Variants in SLC1A2 observed in about 807,000 individuals in gnomAD.
SLC1A2 encodes solute carrier family 1 member 2, also known as excitatory amino acid transporter 2.
In SLC1A2, 15 loss-of-function variants were observed where a neutral mutation model predicts 48.8. The ratio of observed to expected loss-of-function variants is 0.31; its 90% CI spans 0.21 to 0.47. The LOEUF (loss-of-function observed/expected upper bound fraction) is 0.47, where lower values mean the gene tolerates loss of function less well. Among genes scored for constraint, SLC1A2 ranks in the 20% least tolerant of loss-of-function variants. The pLI is 0.99. For synonymous variants in SLC1A2, 279 were observed against 272.6 expected (o/e 1.02, Z -0.23); for missense variants, 502 against 730.5 (o/e 0.69, Z 3.61).
At chr11:35,282,742 C>T (rs943137202) in intron 8 of SLC1A2, among the ~76,000 whole-genome samples, 11 of 152,204 alleles carry the variant, frequency 7.2e-5, no homozygotes, top group African/African-American at 2.7e-4. Flanking sequence ...TTGCACATCC[C>T]TTTGCACTGT....
At chr11:35,356,807 A>G (rs2421955) in intron 1 of SLC1A2, among the ~76,000 whole-genome samples, 117,720 of 152,216 alleles carry the variant, frequency 0.77, 46,233 homozygotes, top group East Asian at 0.92. Context: ...GTCTTTATGT[A>G]AATTTTATTA....
chr11:35,418,663 T>C, intron 1 of SLC1A2: 1 of 472,138 alleles, frequency 2.1e-6, no homozygotes, highest in Non-Finnish European at 3.8e-6. Flanking sequence ...ATCCCAAAAG[T>C]AACCTCAAGA....
chr11:35,386,833 A>T (rs1854598501), intron 1 of SLC1A2, among the ~76,000 whole-genome samples: 2 of 152,216 alleles, frequency 1.3e-5, no homozygotes, highest in Admixed American at 1.3e-4. Flanking sequence ...AAGCTTAAAT[A>T]CATTCCTTAA....
chr11:35,253,325 G>T lies in SLC1A2; in HGVS notation c.*7569C>A, dbSNP rs1950268878. On this transcript the variant is annotated 3_prime_UTR_variant, in exon 11 of 11. Coordinates refer to ENST00000278379, the MANE Select transcript of SLC1A2 (RefSeq NM_004171.4). Reference sequence around the variant, plus strand: ...ACAATGTGACATTTACCACTAATTTGCTTGGCAAGAATTAACTGCAACAAA... The same window carrying T: ...ACAATGTGACATTTACCACTAATTTTCTTGGCAAGAATTAACTGCAACAAA... The T allele has an allele frequency of 6.6e-6, 1 of 152,380 alleles. No individual in the cohort carries two copies. The highest frequency in any genetic ancestry group is 6.6e-5 in the Admixed American group (1 of 15,250). 9.4% of individuals were successfully genotyped at this position (152,380 alleles called of 1,614,324 possible). A position where few individuals can be genotyped will look rare whatever the true frequency, so the allele number is the denominator to read the frequency against.
intron 9 of SLC1A2, among the ~76,000 whole-genome samples, chr11:35,280,047 CTG>C (rs1202492072): frequency 6.6e-6 from 1 of 152,202 alleles, no homozygotes; most frequent in African/African-American, 2.4e-5. Context: ...ATGTAGACAC[CTG>C]TGCATACCTG....
chr11:35,410,549 T>C (rs1855426821), intron 1 of SLC1A2, among the ~76,000 whole-genome samples: 1 of 152,204 alleles, frequency 6.6e-6, no homozygotes, highest in African/African-American at 2.4e-5. Flanking sequence ...TGCTGTGACA[T>C]GCTACCCAGA....
intron 1 of SLC1A2, among the ~76,000 whole-genome samples, chr11:35,412,042 C>A (rs78314327): frequency 8.8e-4 from 118 of 134,138 alleles, no homozygotes; most frequent in Middle Eastern, 3.8e-3. Flanking sequence ...CTTACTGGAG[C>A]AAAAAAAAAA....
chr11:35,322,890 A>G (rs1852119830), intron 1 of SLC1A2: 6 of 623,720 alleles, frequency 9.6e-6, no homozygotes, highest in African/African-American at 1.8e-5. Context: ...CTGAAACTCT[A>G]AGACTTTCTG....
chr11:35,311,308 C>T (rs113679719), intron 4 of SLC1A2, among the ~76,000 whole-genome samples: 14,959 of 151,994 alleles, frequency 0.098, 919 homozygotes, highest in East Asian at 0.2. Flanking sequence ...TACAGGCATG[C>T]GCCACCACAC....
chr11:35,282,830 G>T (rs1046394920), intron 8 of SLC1A2, among the ~76,000 whole-genome samples: 1 of 152,158 alleles, frequency 6.6e-6, no homozygotes, highest in Non-Finnish European at 1.5e-5. Context: ...CCTGGAAGTT[G>T]CTTTCCCCTC....
At chr11:35,341,684 T>C (rs1412880249) in intron 1 of SLC1A2, among the ~76,000 whole-genome samples, 1 of 152,148 alleles carries the variant, frequency 6.6e-6, no homozygotes, top group East Asian at 1.9e-4. Flanking sequence ...TCCAAACCGG[T>C]ATTGGGTGTT....
chr11:35,406,324 G>A (rs1855291892), intron 1 of SLC1A2, among the ~76,000 whole-genome samples: 2 of 152,092 alleles, frequency 1.3e-5, no homozygotes, highest in Non-Finnish European at 2.9e-5. Flanking sequence ...TTACTTTGTA[G>A]ATACAAACAG....
chr11:35,389,618 G>C (rs576247802), intron 1 of SLC1A2, among the ~76,000 whole-genome samples: 8 of 152,024 alleles, frequency 5.3e-5, no homozygotes, highest in African/African-American at 1.9e-4. Context: ...TTACAGGCAC[G>C]AGCCACTATG....
chr11:35,357,674 C>T (rs947290255), intron 1 of SLC1A2, among the ~76,000 whole-genome samples: 7 of 152,146 alleles, frequency 4.6e-5, no homozygotes, highest in African/African-American at 1.7e-4. Context: ...GACAGAATTC[C>T]TTACCCATAT....
At chr11:35,288,887 A>G (rs903944956) in intron 7 of SLC1A2, among the ~76,000 whole-genome samples, 1 of 151,606 alleles carries the variant, frequency 6.6e-6, no homozygotes, top group African/African-American at 2.4e-5. Flanking sequence ...GTATAAAAAT[A>G]TCCTCTATTT....
intron 1 of SLC1A2, among the ~76,000 whole-genome samples, chr11:35,384,840 T>A (rs1475948945): frequency 6.6e-6 from 1 of 152,130 alleles, no homozygotes; most frequent in Non-Finnish European, 1.5e-5. Context: ...CTCTAAAGCC[T>A]AGAGAGGTGA....
At chr11:35,264,205 G>C (rs1565199134) in intron 10 of SLC1A2, 5 of 152,186 alleles carry the variant, frequency 3.3e-5, no homozygotes. Flanking sequence ...GAGAGGACAA[G>C]AAAAAGCCTG....
intron 1 of SLC1A2, among the ~76,000 whole-genome samples, chr11:35,403,338 T>A (rs1317387941): frequency 6.6e-6 from 1 of 152,240 alleles, no homozygotes; most frequent in African/African-American, 2.4e-5. Context: ...TTAACTGCTG[T>A]GCAACACTGG....
intron 1 of SLC1A2, among the ~76,000 whole-genome samples, chr11:35,352,932 C>T (rs1853316002): frequency 6.6e-6 from 1 of 152,070 alleles, no homozygotes; most frequent in Non-Finnish European, 1.5e-5. Context: ...GAAAACTGTC[C>T]CAGCAGTGAC....
Sources: allele counts gnomAD v4.1 joint callset (sites outside exome capture counted in the v4.1 genomes callset), GRCh38; gene constraint gnomAD v4.1.1; transcripts MANE v1.5; gene names NCBI Gene and HGNC (gene_info 2026-07-23, HGNC 2026-07-21).